Variants in RASAL2 observed in about 807,000 individuals in gnomAD.
RASAL2 encodes the protein ras GTPase-activating protein nGAP.
RASAL2 carries 58 observed loss-of-function variants against 128.9 expected under a neutral mutation model. That is an observed-to-expected ratio of 0.45 (90% CI 0.36 to 0.56). RASAL2 has a LOEUF of 0.56. RASAL2 is among the 20% of genes least tolerant of loss of function. The probability of loss-of-function intolerance (pLI) is 0.00; values close to 1 mark genes in which losing one functional copy is unlikely to be tolerated. For synonymous variants in RASAL2, 561 were observed against 580.8 expected (o/e 0.97, Z 0.49); for missense variants, 1,360 against 1,601.6 (o/e 0.85, Z 2.57).
intron 1 of RASAL2, among the ~76,000 whole-genome samples, chr1:178,175,778 A>G (rs1337329006): frequency 6.6e-6 from 1 of 151,986 alleles, no homozygotes; most frequent in Non-Finnish European, 1.5e-5. Context: ...GGTCCCAGTT[A>G]TAAGAGAGAA....
intron 3 of RASAL2, among the ~76,000 whole-genome samples, chr1:178,312,641 C>T (rs1438443814): frequency 1.3e-5 from 2 of 152,118 alleles, no homozygotes; most frequent in East Asian, 3.8e-4. Flanking sequence ...AGTTTAATAG[C>T]TCGGTACAAG....
At chr1:178,441,492 G>T in intron 6 of RASAL2, 57 bp from the exon 7 acceptor site, 1 of 1,289,174 alleles carries the variant, frequency 7.8e-7, no homozygotes, top group East Asian at 2.4e-5. Flanking sequence ...GAACCCTAAT[G>T]ACAGAGCCCT....
intron 1 of RASAL2, among the ~76,000 whole-genome samples, chr1:178,276,488 G>A (rs115240458): frequency 0.01 from 1,575 of 151,818 alleles, 10 homozygotes; most frequent in Non-Finnish European, 0.017. Context: ...GTATATTGTG[G>A]ACTACTCCTC....
At chr1:178,225,401 GAT>G (rs910795951) in intron 1 of RASAL2, among the ~76,000 whole-genome samples, 9 of 151,788 alleles carry the variant, frequency 5.9e-5, no homozygotes, top group African/African-American at 2.2e-4. Context: ...TGTACATACT[GAT>G]ATATTAATCA....
intron 1 of RASAL2, among the ~76,000 whole-genome samples, chr1:178,203,229 G>A (rs149920845): frequency 7.2e-5 from 11 of 152,306 alleles, no homozygotes; most frequent in African/African-American, 2.6e-4. Flanking sequence ...CATTGCCTCT[G>A]ACCAAGGCAC....
At chr1:178,253,513 A>G (rs907467882) in intron 1 of RASAL2, among the ~76,000 whole-genome samples, 4 of 152,174 alleles carry the variant, frequency 2.6e-5, no homozygotes, top group Non-Finnish European at 5.9e-5. Flanking sequence ...TGAAGAGACC[A>G]CCAAACAGGC....
chr1:178,349,296 G>A (rs1465665316), intron 3 of RASAL2, among the ~76,000 whole-genome samples: 2 of 148,886 alleles, frequency 1.3e-5, no homozygotes, highest in South Asian at 2.2e-4. Context: ...ATGGTGGCGC[G>A]CGCCTGTAGT....
intron 1 of RASAL2, among the ~76,000 whole-genome samples, chr1:178,189,643 G>A (rs549794586): frequency 7.9e-5 from 12 of 152,182 alleles, no homozygotes; most frequent in African/African-American, 1.7e-4. Context: ...AACAGTAAAT[G>A]AGCCAATAAG....
At chr1:178,251,043 G>A (rs913114492) in intron 1 of RASAL2, among the ~76,000 whole-genome samples, 2 of 152,160 alleles carry the variant, frequency 1.3e-5, no homozygotes, top group Non-Finnish European at 2.9e-5. Flanking sequence ...GAAAGCAAGA[G>A]TGAAGTGAGG....
chr1:178,371,272 C>CTTCA (rs1671681903), intron 3 of RASAL2, among the ~76,000 whole-genome samples: 1 of 150,620 alleles, frequency 6.6e-6, no homozygotes, highest in South Asian at 2.1e-4. Context: ...ATCTCTGTAC[C>CTTCA]TTCAGCCCAA....
intron 1 of RASAL2, among the ~76,000 whole-genome samples, chr1:178,245,950 A>G (rs1463553603): frequency 6.6e-6 from 1 of 152,124 alleles, no homozygotes; most frequent in East Asian, 1.9e-4. Flanking sequence ...TACCACTACC[A>G]TGGTGTTTGG....
At chr1:178,405,665 C>A (rs1673955372) in intron 4 of RASAL2, among the ~76,000 whole-genome samples, 1 of 152,210 alleles carries the variant, frequency 6.6e-6, no homozygotes, top group East Asian at 1.9e-4. Context: ...GAATGCAGAC[C>A]TGCTGACACT....
At chr1:178,277,147 C>CAAAAAAA (rs61384367) in intron 1 of RASAL2, among the ~76,000 whole-genome samples, 5 of 55,046 alleles carry the variant, frequency 9.1e-5, no homozygotes, top group Non-Finnish European at 1.4e-4. Flanking sequence ...GATTCCCTCT[C>CAAAAAAA]AAAAAAAAAA....
At chr1:178,349,150 G>A (rs976757592) in intron 3 of RASAL2, among the ~76,000 whole-genome samples, 3 of 151,052 alleles carry the variant, frequency 2.0e-5, no homozygotes, top group Admixed American at 6.6e-5. Flanking sequence ...GCCGGACGCC[G>A]TGGCTCACGC....
At chr1:178,456,611 T>C (rs1677790922) in intron 12 of RASAL2, 110 bp from the exon 13 acceptor site, 1 of 1,157,340 alleles carries the variant, frequency 8.6e-7, no homozygotes, top group Non-Finnish European at 1.3e-6. Flanking sequence ...ACACTTACCC[T>C]TCCCTCCAAC....
chr1:178,150,862 A>G (rs549556174), intron 1 of RASAL2, among the ~76,000 whole-genome samples: 2 of 152,278 alleles, frequency 1.3e-5, no homozygotes, highest in South Asian at 4.1e-4. Flanking sequence ...TTATTATTTC[A>G]GCTGTTATAC....
intron 1 of RASAL2, among the ~76,000 whole-genome samples, chr1:178,237,177 C>G (rs1469056201): frequency 6.6e-6 from 1 of 151,986 alleles, no homozygotes; most frequent in Non-Finnish European, 1.5e-5. Flanking sequence ...GTTTCAGTTA[C>G]TTCTCCAAGA....
At chr1:178,325,372 C>T (rs943268825) in intron 3 of RASAL2, among the ~76,000 whole-genome samples, 1 of 151,920 alleles carries the variant, frequency 6.6e-6, no homozygotes, top group African/African-American at 2.4e-5. Flanking sequence ...TAGGTTTTTT[C>T]CCTCCCACTT....
intron 14 of RASAL2, among the ~76,000 whole-genome samples, chr1:178,462,647 A>G (rs563210190): frequency 6.6e-6 from 1 of 152,272 alleles, no homozygotes; most frequent in South Asian, 2.1e-4. Context: ...TAGAAGGAAT[A>G]GTTAGGATTG....
Sources: allele counts gnomAD v4.1 joint callset (sites outside exome capture counted in the v4.1 genomes callset), GRCh38; gene constraint gnomAD v4.1.1; transcripts MANE v1.5; gene names NCBI Gene and HGNC (gene_info 2026-07-23, HGNC 2026-07-21).